RAB35: variants seen among roughly 807,000 people sequenced by gnomAD.
The protein encoded by RAB35 is ras-related protein Rab-35.
A neutral mutation model predicts 28.9 loss-of-function variants in RAB35; 4 were observed. That is an observed-to-expected ratio of 0.14 (90% CI 0.07 to 0.32). RAB35 has a LOEUF of 0.32. RAB35 is among the 10% of genes least tolerant of loss of function. RAB35 has a pLI of 1.00. For missense variants in RAB35, 128 were observed against 274.0 expected (o/e 0.47, Z 3.76); for synonymous variants, 99 against 105.1 (o/e 0.94, Z 0.35).
Position 120,116,737 on chromosome 12 carries a change from G to C in RAB35, c.-87C>G, listed in dbSNP as rs1040440096. ...CCCTTCGGGCTGCTCCGGCAGCGGC[G>C]GATCCACTTCCCGAACAAACAGCCG... On this transcript the variant is annotated 5_prime_UTR_variant, in exon 1 of 6. Coordinates refer to ENST00000229340, the MANE Select transcript of RAB35 (RefSeq NM_006861.7). 12 of 1,199,584 alleles carry C rather than the reference G, an allele frequency of 1.0e-5. No homozygotes were observed. The highest frequency in any genetic ancestry group is 3.3e-4 in the Middle Eastern group (1 of 3,046). 74.3% of individuals were successfully genotyped at this position (1,199,584 alleles called of 1,614,324 possible). A position where few individuals can be genotyped will look rare whatever the true frequency, so the allele number is the denominator to read the frequency against.
At position 120,097,176 on chromosome 12, in the gene RAB35, G is replaced by A. The variant is rs778590812; in HGVS notation, c.*69C>T. ...CGGCACGAAACTGAGACTGTCCCCCGAGGAACCTCCGTGGGCCTCGGGCTG... is the reference window on the plus strand; with the variant it reads ...CGGCACGAAACTGAGACTGTCCCCCAAGGAACCTCCGTGGGCCTCGGGCTG... On this transcript the variant is annotated 3_prime_UTR_variant, in exon 6 of 6. Coordinates refer to ENST00000229340, the MANE Select transcript of RAB35 (RefSeq NM_006861.7). 11 of 1,613,560 alleles carry A rather than the reference G, an allele frequency of 6.8e-6. No individual in the cohort carries two copies. Among genetic ancestry groups the A allele is most frequent in the South Asian group, 3.3e-5 (3 of 90,976 alleles).
At position 120,103,386 on chromosome 12, in the gene RAB35, G is replaced by C. The variant is rs1264546958; in HGVS notation, c.227+440C>G. ...AGACAGCGTCACTTCCAAGGCATCA[G>C]TGCAGGTGACGGGAGCCTGCACAGG... On this transcript the variant is annotated intron_variant, in intron 3 of 5. Coordinates refer to ENST00000229340, the MANE Select transcript of RAB35 (RefSeq NM_006861.7). This position sits in a 1 kb window ranked among gnomAD's most constrained non-coding sequence, Gnocchi z 6.1. Among the ~76,000 whole-genome samples, 1 of 152,226 alleles carries C rather than the reference G, an allele frequency of 6.6e-6. No homozygotes were observed. Among genetic ancestry groups the C allele is most frequent in the Admixed American group, 6.5e-5 (1 of 15,280 alleles).
At position 120,103,870 on chromosome 12, in the gene RAB35, G is replaced by T; in HGVS notation, c.183C>A (p.Ile61=). The part of the protein sequence containing the change: ...EINGEKVKLQ[I]WDTAGQERFR... ...AGCGCTCCTGCCCCGCTGTGTCCCA[G>T]ATCTGCAGCTTCACCTTCTCCCCGT... Residue 61 remains isoleucine (I), a synonymous_variant, in exon 3 of 6, where the codon ATC becomes ATA. Transcript: ENST00000229340. This position sits in a 1 kb window ranked among gnomAD's most constrained non-coding sequence, Gnocchi z 6.1. The T allele has an allele frequency of 1.2e-6, 2 of 1,614,146 alleles. No individual in the cohort carries two copies. The highest frequency in any genetic ancestry group is 2.2e-5 in the East Asian group (1 of 44,884).
chr12:120,099,323 G>A (rs1180321120), intron 3 of RAB35, 169 bp from the exon 4 acceptor site: 1 of 864,986 alleles, frequency 1.2e-6, no homozygotes, highest in Non-Finnish European at 1.7e-6. Flanking sequence ...CAGGCCAGCA[G>A]GAGAGGCTAC....
chr12:120,100,859 C>T lies in RAB35; in HGVS notation c.228-1705G>A, dbSNP rs564557019. ...TCAGCACATGGCATGGTGTGTCAGA[C>T]GCCTTCCAGAGCGAGGGCGCGCCGG... On this transcript the variant is annotated intron_variant, in intron 3 of 5. Transcript: ENST00000229340. 9.2e-5 allele frequency among the ~76,000 whole-genome samples: 14 copies of T among 152,346 alleles called. No individual in the cohort carries two copies. The South Asian group carries it at 2.7e-3, about 29-fold the overall frequency.
At position 120,096,409 on chromosome 12, in the gene RAB35, G is replaced by T. The variant is rs1205042027; in HGVS notation, c.*836C>A. On this transcript the variant is annotated 3_prime_UTR_variant, in exon 6 of 6. Coordinates refer to ENST00000229340, the MANE Select transcript of RAB35 (RefSeq NM_006861.7). Reference sequence around the variant, plus strand: ...TCACTTGATTTGGCTTCATTTTCTTGATCTGTTAAAATAATCCTCCCATAG... The same window carrying T: ...TCACTTGATTTGGCTTCATTTTCTTTATCTGTTAAAATAATCCTCCCATAG... The T allele has an allele frequency of 3.2e-6, 4 of 1,266,366 alleles. No individual in the cohort carries two copies. The South Asian group carries it at 5.1e-5, about 16-fold the overall frequency. 78.4% of individuals were successfully genotyped at this position (1,266,366 alleles called of 1,614,324 possible).
rs1875440050 is a variant in RAB35 at position 120,097,044 on chromosome 12, G to A, written c.*201C>T. The A allele has an allele frequency of 6.6e-7, 1 of 1,525,208 alleles. No individual in the cohort carries two copies. Among genetic ancestry groups the A allele is most frequent in the Non-Finnish European group, 8.8e-7 (1 of 1,139,878 alleles). The allele number at this position is 1,525,208 out of a possible 1,614,324, so 94.5% of individuals were successfully genotyped here. A position where few individuals can be genotyped will look rare whatever the true frequency, so the allele number is the denominator to read the frequency against. On this transcript the variant is annotated 3_prime_UTR_variant, in exon 6 of 6. Coordinates refer to ENST00000229340, the MANE Select transcript of RAB35 (RefSeq NM_006861.7). ...GGCCGGGGAGGAGGGGGCACCAGTAGGGAAGGGCGGGCTGGTCCAACACCT... is the reference window on the plus strand; with the variant it reads ...GGCCGGGGAGGAGGGGGCACCAGTAAGGAAGGGCGGGCTGGTCCAACACCT...
rs1594237145 is a variant in RAB35, at chr12:120,098,871, G to A, written c.417C>T (p.Ala139=). 9 of 1,614,196 alleles carry A rather than the reference G, an allele frequency of 5.6e-6. No homozygotes were observed. Among genetic ancestry groups the A allele is most frequent in the South Asian group, 3.3e-5 (3 of 91,090 alleles). ...VVETEDAYKF[A]GQMGIQLFET... ...CGAACAACTGGATGCCCATCTGCCC[G>A]GCGAATTTGTAGGCATCTTCCGTCT... is the stretch of plus-strand genomic sequence containing the variant. Residue 139 remains alanine (A), a synonymous_variant, in exon 5 of 6, where the codon GCC becomes GCT. Coordinates refer to ENST00000229340, the MANE Select transcript of RAB35 (RefSeq NM_006861.7).
At chr12:120,106,740 C>T (rs553667453) in intron 2 of RAB35, among the ~76,000 whole-genome samples, 9 of 152,012 alleles carry the variant, frequency 5.9e-5, no homozygotes, top group South Asian at 4.2e-4. Flanking sequence ...AGGCACATGC[C>T]GCCACACCCA....
At position 120,097,162 on chromosome 12, in the gene RAB35, TGA is replaced by T; in HGVS notation, c.*81_*82del. On this transcript the variant is annotated 3_prime_UTR_variant, in exon 6 of 6. Coordinates refer to ENST00000229340, the MANE Select transcript of RAB35 (RefSeq NM_006861.7). ...AATTCTTTAAATAACGGCACGAAACTGAGACTGTCCCCCGAGGAACCTCCGTG... is the reference window on the plus strand; with the variant it reads ...AATTCTTTAAATAACGGCACGAAACTGACTGTCCCCCGAGGAACCTCCGTG... 1 of 1,612,588 alleles carries T rather than the reference TGA, an allele frequency of 6.2e-7. No homozygotes were observed. The highest frequency in any genetic ancestry group is 8.5e-7 in the Non-Finnish European group (1 of 1,179,496).
intron 2 of RAB35, among the ~76,000 whole-genome samples, chr12:120,107,238 C>T (rs562936377): frequency 1.9e-4 from 29 of 152,112 alleles, no homozygotes; most frequent in African/African-American, 7.0e-4. Context: ...CCACCCGCCT[C>T]GGCCTCCCAA....
chr12:120,101,945 G>A lies in RAB35; in HGVS notation c.227+1881C>T, dbSNP rs538629271. On this transcript the variant is annotated intron_variant, in intron 3 of 5. Coordinates refer to ENST00000229340, the MANE Select transcript of RAB35 (RefSeq NM_006861.7). The stretch of plus-strand genomic sequence containing the variant: ...GGGAGGGGCTGTGGCTCCTCCTGCT[G>A]AAAGAGCCTCGGACCCCCCAGGCCC... Among the ~76,000 whole-genome samples, 16 of 152,330 alleles carry A rather than the reference G, an allele frequency of 1.1e-4. No homozygotes were observed. The East Asian group carries it at 2.9e-3, about 28-fold the overall frequency.
rs1875345234 is a variant in RAB35 at position 120,095,576 on chromosome 12, C to T, written c.*1669G>A. On this transcript the variant is annotated 3_prime_UTR_variant, in exon 6 of 6. Transcript: ENST00000229340. ...AGACCCCGCTTCTGCTCCTGCCGCC[C>T]CCGCCCCCGACCAGATGAGGCTGCC... 6.6e-6 allele frequency: 1 copy of T among 152,540 alleles called. No individual in the cohort carries two copies. Among genetic ancestry groups the T allele is most frequent in the Non-Finnish European group, 1.5e-5 (1 of 68,266 alleles). The allele number at this position is 152,540 out of a possible 1,614,324, so 9.4% of individuals were successfully genotyped here. A position where few individuals can be genotyped will look rare whatever the true frequency, so the allele number is the denominator to read the frequency against.
At position 120,096,441 on chromosome 12, in the gene RAB35, T is replaced by C. The variant is rs1875396148; in HGVS notation, c.*804A>G. 7.8e-7 allele frequency: 1 copy of C among 1,288,674 alleles called. No homozygotes were observed. Among genetic ancestry groups the C allele is most frequent in the African/African-American group, 1.5e-5 (1 of 65,832 alleles). The allele number at this position is 1,288,674 out of a possible 1,614,324, so 79.8% of individuals were successfully genotyped here. A position where few individuals can be genotyped will look rare whatever the true frequency, so the allele number is the denominator to read the frequency against. On this transcript the variant is annotated 3_prime_UTR_variant, in exon 6 of 6. Transcript: ENST00000229340. ...TAAAATAATCCTCCCATAGCCCCCCTGCCAGCCCCATCTCTGCACGAACCT... is the reference window on the plus strand; with the variant it reads ...TAAAATAATCCTCCCATAGCCCCCCCGCCAGCCCCATCTCTGCACGAACCT...
At position 120,096,042 on chromosome 12, in the gene RAB35, C is replaced by T. The variant is rs561051801; in HGVS notation, c.*1203G>A. 2 of 187,884 alleles carry T rather than the reference C, an allele frequency of 1.1e-5. No individual in the cohort carries two copies. The highest frequency in any genetic ancestry group is 2.0e-4 in the South Asian group (2 of 9,912). 11.6% of individuals were successfully genotyped at this position (187,884 alleles called of 1,614,324 possible). ...GTCAAAACTGGCCGCCCCAGCCATTCCTTCCCACCCGCCAGGAAATCCTCT... is the reference window on the plus strand; with the variant it reads ...GTCAAAACTGGCCGCCCCAGCCATTTCTTCCCACCCGCCAGGAAATCCTCT... On this transcript the variant is annotated 3_prime_UTR_variant, in exon 6 of 6. Transcript: ENST00000229340.
chr12:120,112,750 T>C (rs1393596684), intron 1 of RAB35, among the ~76,000 whole-genome samples: 1 of 145,618 alleles, frequency 6.9e-6, no homozygotes, highest in Non-Finnish European at 1.5e-5. Flanking sequence ...TTTGAGACAG[T>C]GTCTCATTCT....
chr12:120,107,804 T>G (rs1221733806), intron 2 of RAB35, among the ~76,000 whole-genome samples: 3 of 140,740 alleles, frequency 2.1e-5, no homozygotes, highest in South Asian at 2.2e-4. Flanking sequence ...GAGGCAGAGG[T>G]TGCAGTGAGC....
chr12:120,114,133 G>T (rs968340109), intron 1 of RAB35, among the ~76,000 whole-genome samples: 2 of 152,104 alleles, frequency 1.3e-5, no homozygotes, highest in South Asian at 4.2e-4. Context: ...CATTCTTGTC[G>T]CCCAGGCTGG....
chr12:120,112,962 C>G (rs1013586109), intron 1 of RAB35, among the ~76,000 whole-genome samples: 2 of 151,028 alleles, frequency 1.3e-5, no homozygotes, highest in South Asian at 2.1e-4. Flanking sequence ...ACGATCTCGG[C>G]TCACTGCAAC....
Sources: gnomAD v4.1 joint callset for allele counts (sites outside exome capture counted in the v4.1 genomes callset) on GRCh38, gnomAD v4.1.1 for gene constraint, Gnocchi (gnomAD v3.1) non-coding constraint, MANE v1.5 for transcripts, NCBI Gene and HGNC (gene_info 2026-07-23, HGNC 2026-07-21) for gene names.